The following PDE4D variants were observed in gnomAD, a reference collection of about 807,000 sequenced individuals.
PDE4D encodes 3',5'-cyclic-AMP phosphodiesterase 4D.
PDE4D carries 24 observed loss-of-function variants against 87.4 expected under a neutral mutation model. The ratio of observed to expected loss-of-function variants is 0.27; its 90% CI spans 0.20 to 0.39. The LOEUF is 0.39. Ranked by LOEUF, PDE4D falls within the 10% of genes least tolerant of loss-of-function variation. The pLI is 1.00. For synonymous variants in PDE4D, 384 were observed against 383.2 expected, an observed-to-expected ratio of 1.00 and a Z score of -0.02; for missense variants, 714 against 1,041.0, an observed-to-expected ratio of 0.69 and a Z score of 4.32.
chr5:60,144,533 C>T (rs1780831402), intron 2 of PDE4D, among the ~76,000 whole-genome samples: 1 of 152,196 alleles, frequency 6.6e-6, no homozygotes, highest in Non-Finnish European at 1.5e-5. Context: ...TTGCTCACTG[C>T]TATTCCATTA....
chr5:59,674,487 G>A (rs1348805264), intron 1 of PDE4D, among the ~76,000 whole-genome samples: 1 of 152,170 alleles, frequency 6.6e-6, no homozygotes, highest in Non-Finnish European at 1.5e-5. Flanking sequence ...ATTATTTAGA[G>A]TCTATCTACC....
At position 60,176,507 on chromosome 5, in the gene PDE4D, A is replaced by C. The variant is rs1783907602; in HGVS notation, c.42+9050T>G. 3.3e-5 allele frequency among the ~76,000 whole-genome samples: 5 copies of C among 152,126 alleles called. No homozygotes were observed. The South Asian group carries it at 1.0e-3, about 31-fold the overall frequency. On this transcript the variant is annotated intron_variant, in intron 2 of 16. Coordinates refer to the PDE4D transcript ENST00000502484. ...TTACCAAAATAAAGAACTTGAGATT[A>C]TTTACTGTGAGTTATAGAAATGATA...
chr5:60,114,749 T>C (rs978743590), intron 2 of PDE4D, among the ~76,000 whole-genome samples: 9 of 152,058 alleles, frequency 5.9e-5, no homozygotes, highest in Non-Finnish European at 1.2e-4. Context: ...TGAAATAACA[T>C]AGAATGTCAC....
chr5:60,139,454 G>T (rs1480237754), intron 2 of PDE4D, among the ~76,000 whole-genome samples: 1 of 151,960 alleles, frequency 6.6e-6, no homozygotes, highest in Non-Finnish European at 1.5e-5. Flanking sequence ...ATTCTCAAGG[G>T]ATATAATGCA....
At chr5:60,372,979 A>G (rs1017327413) in intron 1 of PDE4D, among the ~76,000 whole-genome samples, 3 of 152,196 alleles carry the variant, frequency 2.0e-5, no homozygotes, top group Admixed American at 6.5e-5. Context: ...ACACACCGCA[A>G]TTTGAAACCT....
At chr5:60,326,625 A>G (rs1004048979) in intron 1 of PDE4D, among the ~76,000 whole-genome samples, 1 of 152,084 alleles carries the variant, frequency 6.6e-6, no homozygotes, top group African/African-American at 2.4e-5. Flanking sequence ...ATGACTTTTT[A>G]TCTCATTTAG....
intron 3 of PDE4D, among the ~76,000 whole-genome samples, chr5:59,960,143 G>A (rs934597868): frequency 1.3e-5 from 2 of 151,986 alleles, no homozygotes; most frequent in African/African-American, 2.4e-5. Context: ...AAACCACAAG[G>A]AGATACCATC....
At chr5:59,886,577 C>T (rs562333685) in intron 1 of PDE4D, among the ~76,000 whole-genome samples, 3 of 150,142 alleles carry the variant, frequency 2.0e-5, no homozygotes, top group South Asian at 4.3e-4. Context: ...TAGGAATATC[C>T]GCAAGAGGGT....
intron 1 of PDE4D, among the ~76,000 whole-genome samples, chr5:60,486,835 G>A (rs377303972): frequency 1.3e-5 from 2 of 152,128 alleles, no homozygotes; most frequent in African/African-American, 4.8e-5. Context: ...CAGGTCTAAA[G>A]AGGAAAAATT....
intron 1 of PDE4D, among the ~76,000 whole-genome samples, chr5:59,782,608 C>G (rs952229701): frequency 3.9e-5 from 6 of 152,134 alleles, no homozygotes; most frequent in Non-Finnish European, 7.4e-5. Context: ...GTTGCAAGAC[C>G]AGGAAGATCA....
intron 1 of PDE4D, among the ~76,000 whole-genome samples, chr5:59,450,167 A>G (rs1252440859): frequency 6.6e-6 from 1 of 152,262 alleles, no homozygotes; most frequent in Non-Finnish European, 1.5e-5. Flanking sequence ...ACTGATTAGC[A>G]TTTTTAAGGC....
At chr5:59,654,453 C>T (rs1431141044) in intron 1 of PDE4D, among the ~76,000 whole-genome samples, 1 of 152,162 alleles carries the variant, frequency 6.6e-6, no homozygotes, top group African/African-American at 2.4e-5. Context: ...AGCACAATTG[C>T]CTCCCATCCT....
intron 2 of PDE4D, among the ~76,000 whole-genome samples, chr5:59,999,387 A>G (rs576264375): frequency 2.0e-5 from 3 of 152,252 alleles, no homozygotes; most frequent in African/African-American, 7.2e-5. Flanking sequence ...TCAGTGGCTT[A>G]TTGCAATGCC....
At chr5:59,630,767 T>C (rs971156607) in intron 1 of PDE4D, among the ~76,000 whole-genome samples, 2 of 152,188 alleles carry the variant, frequency 1.3e-5, no homozygotes, top group African/African-American at 2.4e-5. Flanking sequence ...AACTGCTGCC[T>C]ACACTAAACA....
intron 1 of PDE4D, among the ~76,000 whole-genome samples, chr5:60,309,509 G>A (rs1395154335): frequency 1.3e-5 from 2 of 152,042 alleles, no homozygotes; most frequent in African/African-American, 4.8e-5. Flanking sequence ...ATAGAGAGAT[G>A]GACACTTAGG....
intron 2 of PDE4D, among the ~76,000 whole-genome samples, chr5:60,152,580 G>A (rs1011935390): frequency 1.2e-4 from 18 of 151,442 alleles, no homozygotes; most frequent in Admixed American, 4.0e-4. Context: ...GTGAACCCAG[G>A]AGGCAGAGCT....
At chr5:59,510,675 T>G (rs144358992) in intron 1 of PDE4D, among the ~76,000 whole-genome samples, 1 of 151,912 alleles carries the variant, frequency 6.6e-6, no homozygotes, top group Admixed American at 6.6e-5. Context: ...TGGAAAAATA[T>G]AGAGACAGAA....
At chr5:59,017,940 T>C (rs1211471394) in intron 6 of PDE4D, among the ~76,000 whole-genome samples, 1 of 152,088 alleles carries the variant, frequency 6.6e-6, no homozygotes, top group Admixed American at 6.5e-5. Context: ...GTGTAGAGCA[T>C]AGGCTTCTCT....
At chr5:59,642,777 T>TA (rs1425583465) in intron 1 of PDE4D, among the ~76,000 whole-genome samples, 1 of 151,970 alleles carries the variant, frequency 6.6e-6, no homozygotes, top group Non-Finnish European at 1.5e-5. Context: ...TACAAGGTGT[T>TA]AGAGTCATTC....
Sources: allele counts gnomAD v4.1 joint callset (sites outside exome capture counted in the v4.1 genomes callset), GRCh38; gene constraint gnomAD v4.1.1; transcripts MANE v1.5; gene names NCBI Gene and HGNC (gene_info 2026-07-23, HGNC 2026-07-21).